The following TRPM3 variants were observed in gnomAD, a reference collection of about 807,000 sequenced individuals.
The protein encoded by TRPM3 is transient receptor potential cation channel subfamily M member 3, also known as long transient receptor potential channel 3.
In TRPM3, 77 loss-of-function variants were observed where a neutral mutation model predicts 181.2. That is an observed-to-expected ratio of 0.42 (90% CI 0.35 to 0.51). TRPM3 has a LOEUF of 0.51. TRPM3 is among the 20% of genes least tolerant of loss of function. The pLI is 0.01. For synonymous variants in TRPM3, 745 were observed against 796.4 expected (o/e 0.94, Z 1.09); for missense variants, 1,759 against 2,196.7 (o/e 0.80, Z 3.98).
At chr9:71,436,800 A>T (rs1185193117) in intron 1 of TRPM3, among the ~76,000 whole-genome samples, 1 of 152,202 alleles carries the variant, frequency 6.6e-6, no homozygotes, top group East Asian at 1.9e-4. Flanking sequence ...CCCATGTCAT[A>T]CTTCCGTACT....
At chr9:71,066,320 G>A (rs936758080) in intron 1 of TRPM3, among the ~76,000 whole-genome samples, 8 of 152,110 alleles carry the variant, frequency 5.3e-5, no homozygotes, top group Non-Finnish European at 1.0e-4. Context: ...TGACACCTGA[G>A]AAATGCTAAG....
At chr9:70,691,920 A>G (rs1242601403) in intron 8 of TRPM3, among the ~76,000 whole-genome samples, 1 of 152,228 alleles carries the variant, frequency 6.6e-6, no homozygotes, top group Non-Finnish European at 1.5e-5. Context: ...TGGTTGGGCC[A>G]GTAAAGCCCC....
chr9:70,830,953 A>T (rs1316671548), intron 5 of TRPM3, among the ~76,000 whole-genome samples: 1 of 152,240 alleles, frequency 6.6e-6, no homozygotes, highest in Non-Finnish European at 1.5e-5. Context: ...ATATGAGACA[A>T]ATCAGTGACT....
chr9:70,669,986 T>G (rs1449452729), intron 9 of TRPM3, among the ~76,000 whole-genome samples: 1 of 152,148 alleles, frequency 6.6e-6, no homozygotes, highest in African/African-American at 2.4e-5. Flanking sequence ...ATCTTCCTGC[T>G]TTGGCCTCCC....
At chr9:70,924,171 A>T (rs1344380406) in intron 1 of TRPM3, among the ~76,000 whole-genome samples, 1 of 152,028 alleles carries the variant, frequency 6.6e-6, no homozygotes, top group Non-Finnish European at 1.5e-5. Flanking sequence ...ATGCTGCTAA[A>T]CATCATCTAA....
intron 1 of TRPM3, among the ~76,000 whole-genome samples, chr9:70,960,086 G>T (rs1317437169): frequency 6.6e-6 from 1 of 151,352 alleles, no homozygotes; most frequent in Non-Finnish European, 1.5e-5. Flanking sequence ...CAATCTCTTA[G>T]TCCATTGCAA....
At chr9:71,294,319 A>C (rs1223581320) in intron 1 of TRPM3, among the ~76,000 whole-genome samples, 1 of 152,068 alleles carries the variant, frequency 6.6e-6, no homozygotes, top group East Asian at 1.9e-4. Context: ...AAAACACACA[A>C]ACATTTCCCA....
chr9:71,365,485 A>G (rs2092304751), intron 1 of TRPM3, among the ~76,000 whole-genome samples: 1 of 152,150 alleles, frequency 6.6e-6, no homozygotes, highest in Non-Finnish European at 1.5e-5. Context: ...CCAAATATAA[A>G]CATATAACTG....
At chr9:71,308,207 C>G (rs1378030631) in intron 1 of TRPM3, among the ~76,000 whole-genome samples, 1 of 151,982 alleles carries the variant, frequency 6.6e-6, no homozygotes, top group African/African-American at 2.4e-5. Context: ...ATTTTAACAT[C>G]CCTGCCCTCC....
At chr9:70,975,853 C>A (rs1341141412) in intron 1 of TRPM3, among the ~76,000 whole-genome samples, 1 of 152,204 alleles carries the variant, frequency 6.6e-6, no homozygotes, top group Non-Finnish European at 1.5e-5. Context: ...TTACCTAACT[C>A]CTCAAAGCCC....
chr9:70,832,513 C>T (rs916596614), intron 5 of TRPM3, among the ~76,000 whole-genome samples: 7 of 152,166 alleles, frequency 4.6e-5, no homozygotes, highest in African/African-American at 1.7e-4. Flanking sequence ...GTTCTGTATA[C>T]TTTGACTTTG....
chr9:70,905,671 A>G (rs867868716), intron 1 of TRPM3, among the ~76,000 whole-genome samples: 1 of 152,154 alleles, frequency 6.6e-6, no homozygotes, highest in Non-Finnish European at 1.5e-5. Flanking sequence ...CTATAATAAC[A>G]ATGCTCCAGT....
intron 3 of TRPM3, among the ~76,000 whole-genome samples, chr9:70,857,782 A>G (rs1229761387): frequency 6.6e-6 from 1 of 152,174 alleles, no homozygotes; most frequent in African/African-American, 2.4e-5. Context: ...AACCTGAGTA[A>G]TTTTTTAAAA....
intron 1 of TRPM3, among the ~76,000 whole-genome samples, chr9:71,098,136 C>T (rs1476757480): frequency 6.6e-6 from 1 of 152,106 alleles, no homozygotes; most frequent in Non-Finnish European, 1.5e-5. Context: ...ATTTACTTAT[C>T]TCTTATTAGC....
chr9:70,609,688 C>A (rs776383471), intron 19 of TRPM3, among the ~76,000 whole-genome samples: 1 of 152,192 alleles, frequency 6.6e-6, no homozygotes, highest in Non-Finnish European at 1.5e-5. Flanking sequence ...GCTTTAAAGT[C>A]AATGTTAAGT....
intron 1 of TRPM3, among the ~76,000 whole-genome samples, chr9:71,220,356 TTTATTATTA>T (rs34805476): frequency 4.1e-4 from 60 of 145,932 alleles, no homozygotes; most frequent in African/African-American, 8.2e-4. Flanking sequence ...AAAAGTCTGA[TTTATTATTA>T]TTATTATTAT....
intron 1 of TRPM3, 134 bp downstream of exon 1, chr9:71,121,044 C>T (rs1212918544): frequency 2.6e-6 from 2 of 777,016 alleles, no homozygotes; most frequent in East Asian, 2.7e-5. Flanking sequence ...AACCTCTCTC[C>T]AGCCACGGAC....
At chr9:70,539,516 C>T (rs1235115435) in intron 25 of TRPM3, among the ~76,000 whole-genome samples, 1 of 150,778 alleles carries the variant, frequency 6.6e-6, no homozygotes, top group East Asian at 1.9e-4. Context: ...CCATAACCAA[C>T]CCAATGCATC....
At chr9:71,353,501 G>A (rs1389528839) in intron 1 of TRPM3, among the ~76,000 whole-genome samples, 3 of 152,092 alleles carry the variant, frequency 2.0e-5, no homozygotes, top group African/African-American at 7.2e-5. Context: ...AGGGGTTAAG[G>A]GCAATCAACA....
Sources: gnomAD v4.1 joint callset for allele counts (sites outside exome capture counted in the v4.1 genomes callset) on GRCh38, gnomAD v4.1.1 for gene constraint, MANE v1.5 for transcripts, NCBI Gene and HGNC (gene_info 2026-07-23, HGNC 2026-07-21) for gene names.